CDC73: variants seen among roughly 807,000 people sequenced by gnomAD.
CDC73 encodes the protein parafibromin.
Under a neutral mutation model 83.7 loss-of-function variants are expected in CDC73, and 21 were observed. The observed-to-expected ratio is 0.25, with a 90% confidence interval of 0.18 to 0.36. The LOEUF is 0.36. Among genes scored for constraint, CDC73 ranks in the 10% least tolerant of loss-of-function variants. The pLI is 1.00. For synonymous variants in CDC73, 224 were observed against 212.9 expected (o/e 1.05, Z -0.45); for missense variants, 342 against 653.3 (o/e 0.52, Z 5.19).
intron 11 of CDC73, among the ~76,000 whole-genome samples, chr1:193,209,177 C>T (rs1456985038): frequency 1.3e-5 from 2 of 152,162 alleles, no homozygotes; most frequent in Non-Finnish European, 2.9e-5. Context: ...TCTTAAGAAT[C>T]TAATTTATTT....
chr1:193,239,198 CTT>C (rs1476507369), intron 15 of CDC73, among the ~76,000 whole-genome samples: 2 of 152,288 alleles, frequency 1.3e-5, no homozygotes, highest in East Asian at 1.9e-4. Flanking sequence ...GTTTTACTCT[CTT>C]CCTTATTCCT....
chr1:193,163,201 T>TC, intron 10 of CDC73, among the ~76,000 whole-genome samples: 1 of 151,050 alleles, frequency 6.6e-6, no homozygotes, highest in Non-Finnish European at 1.5e-5. Flanking sequence ...ATTTTTTTTT[T>TC]CCCCCTCCTA....
chr1:193,137,111 G>A (rs907541676), intron 5 of CDC73, among the ~76,000 whole-genome samples: 1 of 152,212 alleles, frequency 6.6e-6, no homozygotes, highest in Non-Finnish European at 1.5e-5. Flanking sequence ...AAGAGAAACT[G>A]AGGGTAGAGT....
At chr1:193,198,742 GAGGTT>G (rs2103173714) in intron 10 of CDC73, among the ~76,000 whole-genome samples, 1 of 152,352 alleles carries the variant, frequency 6.6e-6, no homozygotes, top group South Asian at 2.1e-4. Flanking sequence ...CTTCAAATCA[GAGGTT>G]ACAAGGTATT....
At chr1:193,162,311 T>A (rs1464653404) in intron 10 of CDC73, among the ~76,000 whole-genome samples, 30 of 121,404 alleles carry the variant, frequency 2.5e-4, no homozygotes, top group African/African-American at 5.8e-4. Context: ...TACTATATAT[T>A]ATATATCATA....
At chr1:193,164,523 A>G (rs533870404) in intron 10 of CDC73, among the ~76,000 whole-genome samples, 3 of 152,232 alleles carry the variant, frequency 2.0e-5, no homozygotes, top group Non-Finnish European at 4.4e-5. Context: ...CCTCTAGCAC[A>G]TAACATGTTC....
chr1:193,174,454 G>T (rs985479188), intron 10 of CDC73, among the ~76,000 whole-genome samples: 3 of 152,042 alleles, frequency 2.0e-5, no homozygotes, highest in Non-Finnish European at 2.9e-5. Flanking sequence ...GCATGTAAAT[G>T]TTGCTTGAAA....
chr1:193,142,515 T>A (rs1675923300), intron 7 of CDC73, among the ~76,000 whole-genome samples: 1 of 152,170 alleles, frequency 6.6e-6, no homozygotes, highest in African/African-American at 2.4e-5. Flanking sequence ...TGTGTGGGTA[T>A]AGCAGTTTTT....
At chr1:193,189,433 C>G (rs1676882401) in intron 10 of CDC73, among the ~76,000 whole-genome samples, 1 of 152,114 alleles carries the variant, frequency 6.6e-6, no homozygotes, top group Admixed American at 6.6e-5. Flanking sequence ...TTCCTTTAGT[C>G]TAGTTTCTTT....
intron 10 of CDC73, chr1:193,180,342 G>T: frequency 6.3e-7 from 1 of 1,599,588 alleles, no homozygotes; most frequent in Non-Finnish European, 8.5e-7. Flanking sequence ...CTTTTGCTGC[G>T]TTGGCACAGG....
intron 13 of CDC73, among the ~76,000 whole-genome samples, chr1:193,219,678 A>G (rs1209851326): frequency 6.6e-6 from 1 of 152,198 alleles, no homozygotes; most frequent in Non-Finnish European, 1.5e-5. Context: ...GGAGCTAGAC[A>G]TCGAGTACAT....
Position 193,142,038 on chromosome 1 carries a change from G to T in CDC73, c.701G>T (p.Arg234Leu). The change falls in exon 7 of 17, where the codon CGA (arginine) becomes CTA (leucine). Residue 234 changes from arginine (R) to leucine (L), a missense_variant. Around this residue, in one of 3 missense-constraint regions of CDC73, gnomAD observed 239 missense variants for 420.6 expected, o/e 0.57. Transcript: ENST00000367435. ...AGCAGAGAGAGAGTATGGAGGACAC[G>T]AACAACTATCTTACAAAGCACAGGA... is the stretch of plus-strand genomic sequence containing the variant. ...IVSRERVWRT[R>L]TTILQSTGKN... 1 of 1,613,434 alleles carries T rather than the reference G, an allele frequency of 6.2e-7. No homozygotes were observed. Among genetic ancestry groups the T allele is most frequent in the Non-Finnish European group, 8.5e-7 (1 of 1,179,584 alleles).
At chr1:193,181,336 T>C in intron 10 of CDC73, 1 of 1,614,080 alleles carries the variant, frequency 6.2e-7, no homozygotes, top group Non-Finnish European at 8.5e-7. Context: ...AAGGGAGCTG[T>C]GGTTTGTCTC....
intron 15 of CDC73, among the ~76,000 whole-genome samples, chr1:193,247,320 A>G (rs903423835): frequency 6.6e-6 from 1 of 152,058 alleles, no homozygotes; most frequent in Non-Finnish European, 1.5e-5. Context: ...ACACCCATAT[A>G]AGATGGCAAA....
At chr1:193,145,951 T>C (rs1189199267) in intron 7 of CDC73, among the ~76,000 whole-genome samples, 4 of 152,152 alleles carry the variant, frequency 2.6e-5, no homozygotes, top group African/African-American at 9.7e-5. Context: ...GCGGTAATTA[T>C]TACGTACATT....
At chr1:193,140,997 C>A (rs1278220271) in intron 6 of CDC73, 2 of 152,140 alleles carry the variant, frequency 1.3e-5, no homozygotes, top group African/African-American at 4.8e-5. Flanking sequence ...TACCTTCATA[C>A]CTAATCTGAA....
chr1:193,224,488 A>G (rs1446668555), intron 13 of CDC73, among the ~76,000 whole-genome samples: 2 of 151,956 alleles, frequency 1.3e-5, no homozygotes. Flanking sequence ...ATTCACATAT[A>G]CACATATATG....
intron 2 of CDC73, among the ~76,000 whole-genome samples, chr1:193,129,423 T>A (rs1675649981): frequency 6.6e-6 from 1 of 151,712 alleles, no homozygotes; most frequent in Non-Finnish European, 1.5e-5. Context: ...TGGGCCACTG[T>A]GCCTGGTCAT....
Position 193,161,654 on chromosome 1 carries a change from ATATAT to A in CDC73, c.972+9216_972+9220del, listed in dbSNP as rs1253294469. Among the ~76,000 whole-genome samples, 22 of 63,056 alleles carry A rather than the reference ATATAT, an allele frequency of 3.5e-4. 7 individuals carry two copies. The highest frequency in any genetic ancestry group is 2.4e-3 in the East Asian group (8 of 3,366). 41.4% of individuals were successfully genotyped at this position (63,056 alleles called of 152,430 possible). On this transcript the variant is annotated intron_variant, in intron 10 of 16. Transcript: ENST00000367435. The stretch of plus-strand genomic sequence containing the variant: ...TATATAATATATTATATAATATATA[ATATAT>A]TATATATCTATCATATAATATATAT...
Sources: gnomAD v4.1 joint callset for allele counts (sites outside exome capture counted in the v4.1 genomes callset) on GRCh38, gnomAD v4.1.1 for gene constraint, gnomAD v4.1.1 regional missense constraint, MANE v1.5 for transcripts, NCBI Gene and HGNC (gene_info 2026-07-23, HGNC 2026-07-21) for gene names.